Variants in CADPS observed in about 807,000 individuals in gnomAD.
CADPS encodes calcium dependent secretion activator, also known as calcium-dependent secretion activator 1.
Under a neutral mutation model 167.3 loss-of-function variants are expected in CADPS, and 57 were observed. That is an observed-to-expected ratio of 0.34 (90% confidence interval 0.28 to 0.42). CADPS has a LOEUF of 0.42. CADPS is among the 20% of genes least tolerant of loss of function. The pLI is 1.00. For missense variants in CADPS, 1,414 were observed against 1,738.1 expected, an observed-to-expected ratio of 0.81 and a Z score of 3.32; for synonymous variants, 676 against 635.3, an observed-to-expected ratio of 1.06 and a Z score of -0.96.
At chr3:62,837,906 A>G (rs1264086380) in intron 1 of CADPS, among the ~76,000 whole-genome samples, 1 of 152,232 alleles carries the variant, frequency 6.6e-6, no homozygotes, top group Non-Finnish European at 1.5e-5. Flanking sequence ...CAACAAATAT[A>G]GAATTTCCTT....
intron 29 of CADPS, 54 bp downstream of exon 29, chr3:62,403,027 G>T: frequency 8.7e-7 from 1 of 1,149,448 alleles, no homozygotes; most frequent in Non-Finnish European, 1.3e-6. Context: ...GCTTGCCAGT[G>T]AAATATATTT....
At chr3:62,556,191 T>C (rs1467596447) in intron 10 of CADPS, among the ~76,000 whole-genome samples, 1 of 152,236 alleles carries the variant, frequency 6.6e-6, no homozygotes, top group Non-Finnish European at 1.5e-5. Context: ...AGAAGTTGCA[T>C]GAAATTGTTT....
intron 2 of CADPS, among the ~76,000 whole-genome samples, chr3:62,755,209 T>C (rs1193215637): frequency 6.6e-6 from 1 of 152,168 alleles, no homozygotes; most frequent in Admixed American, 6.5e-5. Flanking sequence ...AGGGTTCTCC[T>C]GCTTGATGAA....
chr3:62,713,034 GCCTTGCAGC>G (rs1175327324), intron 3 of CADPS, among the ~76,000 whole-genome samples: 2 of 152,198 alleles, frequency 1.3e-5, no homozygotes, highest in Non-Finnish European at 2.9e-5. Context: ...TGATTATATA[GCCTTGCAGC>G]ATGGCTGAAT....
At chr3:62,862,923 A>C (rs1222897573) in intron 1 of CADPS, among the ~76,000 whole-genome samples, 1 of 152,218 alleles carries the variant, frequency 6.6e-6, no homozygotes, top group African/African-American at 2.4e-5. Flanking sequence ...ACTTGTTACA[A>C]AACAGGAATT....
At chr3:62,554,894 AG>A (rs1318283657) in intron 10 of CADPS, among the ~76,000 whole-genome samples, 1 of 152,116 alleles carries the variant, frequency 6.6e-6, no homozygotes, top group African/African-American at 2.4e-5. Context: ...CTCGGATTAC[AG>A]GTGCGTGCCA....
chr3:62,790,918 G>T (rs2092876643), intron 1 of CADPS, among the ~76,000 whole-genome samples: 2 of 149,370 alleles, frequency 1.3e-5, no homozygotes, highest in African/African-American at 4.9e-5. Flanking sequence ...TGATGCTTTT[G>T]TTACCGTCAT....
intron 5 of CADPS, among the ~76,000 whole-genome samples, chr3:62,649,649 C>A (rs1171874854): frequency 7.2e-6 from 1 of 137,942 alleles, no homozygotes; most frequent in Non-Finnish European, 1.5e-5. Context: ...CAGCCTTGAT[C>A]TCCCTAGCTA....
At position 62,712,695 on chromosome 3, in the gene CADPS, T is replaced by C. The variant is rs148192539; in HGVS notation, c.888+40746A>G. 1.2e-3 allele frequency among the ~76,000 whole-genome samples: 189 copies of C among 152,336 alleles called. 3 individuals carry two copies. The highest frequency in any genetic ancestry group is 3.4e-3 in the Middle Eastern group (1 of 294). On this transcript the variant is annotated intron_variant, in intron 3 of 29. Transcript: ENST00000383710. ...ATCCTTTTGGAATGAGGCAGGGTTA[T>C]AAATAAAATGCACTTTTAAAAATAT...
At chr3:62,419,296 C>A (rs746221565) in intron 28 of CADPS, among the ~76,000 whole-genome samples, 17 of 152,180 alleles carry the variant, frequency 1.1e-4, no homozygotes, top group Non-Finnish European at 2.2e-4. Context: ...AAACTGACCA[C>A]TGTTAACAAT....
intron 4 of CADPS, among the ~76,000 whole-genome samples, chr3:62,657,873 C>CA (rs1229701321): frequency 6.6e-6 from 1 of 152,004 alleles, no homozygotes; most frequent in East Asian, 1.9e-4. Context: ...ATGCTGCTGG[C>CA]AAAATAACCA....
intron 1 of CADPS, among the ~76,000 whole-genome samples, chr3:62,771,141 T>C (rs2152540650): frequency 6.6e-6 from 1 of 152,354 alleles, no homozygotes; most frequent in Middle Eastern, 3.4e-3. Context: ...TGTTTACTGT[T>C]GTACTTCTTG....
intron 1 of CADPS, among the ~76,000 whole-genome samples, chr3:62,781,886 C>CAA (rs1559593380): frequency 2.0e-5 from 3 of 152,218 alleles, no homozygotes; most frequent in Admixed American, 2.0e-4. Context: ...TTACAGCCTT[C>CAA]GCTTCACTGA....
intron 11 of CADPS, among the ~76,000 whole-genome samples, chr3:62,540,518 T>C (rs756301399): frequency 1.3e-5 from 2 of 152,160 alleles, no homozygotes; most frequent in African/African-American, 2.4e-5. Flanking sequence ...GGGATTCAGA[T>C]GGTATCTTGC....
intron 1 of CADPS, among the ~76,000 whole-genome samples, chr3:62,842,403 T>C (rs1164069566): frequency 6.6e-6 from 1 of 152,228 alleles, no homozygotes; most frequent in Non-Finnish European, 1.5e-5. Flanking sequence ...CTAACCATTA[T>C]GGAGTGAGGA....
At chr3:62,861,252 G>A (rs533600185) in intron 1 of CADPS, among the ~76,000 whole-genome samples, 1 of 152,152 alleles carries the variant, frequency 6.6e-6, no homozygotes, top group Non-Finnish European at 1.5e-5. Context: ...TTATGCAGAA[G>A]AGTTTTTGCA....
chr3:62,642,647 C>A (rs946404117), intron 6 of CADPS, among the ~76,000 whole-genome samples: 1 of 152,186 alleles, frequency 6.6e-6, no homozygotes, highest in Non-Finnish European at 1.5e-5. Context: ...GTGGCCCATG[C>A]CTGAATCCTT....
intron 17 of CADPS, among the ~76,000 whole-genome samples, chr3:62,509,063 G>C (rs1390889973): frequency 6.6e-6 from 1 of 151,908 alleles, no homozygotes; most frequent in African/African-American, 2.4e-5. Flanking sequence ...AGCACTTTAG[G>C]AGGCCGAGGT....
At chr3:62,633,307 T>A (rs2065657649) in intron 6 of CADPS, among the ~76,000 whole-genome samples, 1 of 152,136 alleles carries the variant, frequency 6.6e-6, no homozygotes, top group Non-Finnish European at 1.5e-5. Context: ...CCAACTGGTG[T>A]CCCCACTCCC....
Sources: gnomAD v4.1 joint callset for allele counts (sites outside exome capture counted in the v4.1 genomes callset) on GRCh38, gnomAD v4.1.1 for gene constraint, MANE v1.5 for transcripts, NCBI Gene and HGNC (gene_info 2026-07-23, HGNC 2026-07-21) for gene names.